Variants in RCOR1 observed in about 807,000 individuals in gnomAD.
RCOR1 encodes the protein REST corepressor.
A neutral mutation model predicts 64.0 loss-of-function variants in RCOR1; 12 were observed. The observed-to-expected ratio is 0.19, with a 90% CI of 0.12 to 0.30. The LOEUF is 0.30. RCOR1 is among the 10% of genes least tolerant of loss of function. RCOR1 has a pLI of 1.00. For synonymous variants in RCOR1, 279 were observed against 227.2 expected (o/e 1.23, Z -2.05); for missense variants, 502 against 621.2 (o/e 0.81, Z 2.04).
At chr14:102,675,047 C>CAAAAAAAAAAAAA (rs761294133) in intron 2 of RCOR1, among the ~76,000 whole-genome samples, 2 of 63,410 alleles carry the variant, frequency 3.2e-5, no homozygotes, top group African/African-American at 1.2e-4. Context: ...GACTCCACCT[C>CAAAAAAAAAAAAA]AAAAAAAAAA....
intron 3 of RCOR1, among the ~76,000 whole-genome samples, chr14:102,684,160 C>T (rs1300640003): frequency 6.6e-6 from 1 of 152,166 alleles, no homozygotes; most frequent in African/African-American, 2.4e-5. Context: ...CAACCCGCTG[C>T]GGAGTCTGAA....
chr14:102,606,655 A>G (rs1378067480), intron 2 of RCOR1, among the ~76,000 whole-genome samples: 1 of 148,172 alleles, frequency 6.7e-6, no homozygotes, highest in Non-Finnish European at 1.5e-5. Context: ...GAGGGGAGAT[A>G]GGGTCTCACC....
At chr14:102,616,206 ATGTGTGTGTGTGTGTG>A (rs56991991) in intron 2 of RCOR1, among the ~76,000 whole-genome samples, 10,216 of 149,134 alleles carry the variant, frequency 0.069, 795 homozygotes, top group African/African-American at 0.2. Context: ...ACATGTGTAT[ATGTGTGTGTGTGTGTG>A]TGTGTGTGTG....
intron 2 of RCOR1, chr14:102,659,201 G>A (rs557951845): frequency 1.0e-6 from 1 of 984,414 alleles, no homozygotes; most frequent in Non-Finnish European, 1.2e-6. Context: ...TAAATACTTA[G>A]ATAAATTACT....
intron 2 of RCOR1, among the ~76,000 whole-genome samples, chr14:102,677,825 G>T (rs1381000913): frequency 6.6e-6 from 1 of 150,932 alleles, no homozygotes; most frequent in Non-Finnish European, 1.5e-5. Flanking sequence ...CTGCAATCTC[G>T]GCACTTTGGG....
chr14:102,595,599 A>G (rs1893225522), intron 2 of RCOR1, among the ~76,000 whole-genome samples: 1 of 148,026 alleles, frequency 6.8e-6, no homozygotes, highest in Admixed American at 6.7e-5. Context: ...TTTTTTTGAG[A>G]CGGAGTCTTG....
At chr14:102,626,315 C>T (rs554152709) in intron 2 of RCOR1, among the ~76,000 whole-genome samples, 20 of 152,222 alleles carry the variant, frequency 1.3e-4, no homozygotes, top group Non-Finnish European at 1.8e-4. Flanking sequence ...TTTTACTGGG[C>T]TAATACTTTA....
intron 2 of RCOR1, chr14:102,630,174 G>T (rs747594147): frequency 1.7e-4 from 29 of 169,914 alleles, no homozygotes; most frequent in Non-Finnish European, 3.0e-4. Context: ...CCTCCTGGGT[G>T]AGGGGTGAGT....
intron 2 of RCOR1, among the ~76,000 whole-genome samples, chr14:102,673,835 G>C (rs541796026): frequency 6.6e-6 from 1 of 150,560 alleles, no homozygotes; most frequent in African/African-American, 2.5e-5. Flanking sequence ...GGCTGGTCTC[G>C]AACTCCCGAC....
At chr14:102,662,598 T>TTTTTTCCG in intron 2 of RCOR1, 1 of 451,346 alleles carries the variant, frequency 2.2e-6, no homozygotes, top group South Asian at 1.8e-5. Flanking sequence ...TGGATCTTTT[T>TTTTTTCCG]TTTTTCCGGC....
intron 2 of RCOR1, among the ~76,000 whole-genome samples, chr14:102,598,630 A>G (rs900248131): frequency 1.3e-5 from 2 of 151,470 alleles, no homozygotes; most frequent in Non-Finnish European, 2.9e-5. Flanking sequence ...TTGTATTTTA[A>G]GTAGAGACGG....
In RCOR1 at chr14:102,730,219, A is replaced by C; in HGVS notation, c.*3713A>C. ...TTGCTAAGTGCTTTTTAGACAGCTTAAAAAATTTTCAAGATTTTAAAAGAT... is the reference window on the plus strand; with the variant it reads ...TTGCTAAGTGCTTTTTAGACAGCTTCAAAAATTTTCAAGATTTTAAAAGAT... On this transcript the variant is annotated 3_prime_UTR_variant, in exon 12 of 12. Coordinates refer to ENST00000262241, the MANE Select transcript of RCOR1 (RefSeq NM_015156.4). The C allele has an allele frequency of 5.1e-6, 2 of 392,536 alleles. No individual in the cohort carries two copies. The highest frequency in any genetic ancestry group is 9.0e-6 in the Non-Finnish European group (2 of 222,542). The allele number at this position is 392,536 out of a possible 1,614,324, so 24.3% of individuals were successfully genotyped here.
At chr14:102,621,339 C>A (rs1030557924) in intron 2 of RCOR1, among the ~76,000 whole-genome samples, 1 of 139,200 alleles carries the variant, frequency 7.2e-6, no homozygotes, top group Non-Finnish European at 1.5e-5. Context: ...GGATAACTGT[C>A]TTAACTGTCT....
chr14:102,716,453 C>T (rs573492080), intron 8 of RCOR1, among the ~76,000 whole-genome samples: 3 of 152,092 alleles, frequency 2.0e-5, no homozygotes, highest in Non-Finnish European at 4.4e-5. Flanking sequence ...AAGGTCATGA[C>T]GATATTCTCT....
intron 2 of RCOR1, among the ~76,000 whole-genome samples, chr14:102,639,871 G>A (rs142961990): frequency 2.3e-3 from 341 of 148,310 alleles, no homozygotes; most frequent in African/African-American, 8.1e-3. Flanking sequence ...TTCATGAGAC[G>A]GAGTCTCGCT....
intron 2 of RCOR1, among the ~76,000 whole-genome samples, chr14:102,643,884 G>A (rs914369458): frequency 6.6e-6 from 1 of 152,190 alleles, no homozygotes; most frequent in South Asian, 2.1e-4. Context: ...AAATTAGAAG[G>A]TTCTTCTTTG....
At chr14:102,645,729 C>T (rs563027522) in intron 2 of RCOR1, among the ~76,000 whole-genome samples, 27 of 152,254 alleles carry the variant, frequency 1.8e-4, no homozygotes, top group African/African-American at 5.1e-4. Flanking sequence ...AAAATAATTC[C>T]GTGATTTCTG....
At chr14:102,687,222 T>G (rs926259241) in intron 3 of RCOR1, among the ~76,000 whole-genome samples, 1 of 152,194 alleles carries the variant, frequency 6.6e-6, no homozygotes, top group South Asian at 2.1e-4. Flanking sequence ...GCAAATAATT[T>G]ATGTGTAGTT....
intron 2 of RCOR1, chr14:102,655,290 A>G (rs1346446525): frequency 2.0e-6 from 2 of 984,786 alleles, no homozygotes; most frequent in Non-Finnish European, 1.2e-6. Flanking sequence ...TTTATTTTCT[A>G]CAAGGATTCT....
Sources: gnomAD v4.1 joint callset for allele counts (sites outside exome capture counted in the v4.1 genomes callset) on GRCh38, gnomAD v4.1.1 for gene constraint, MANE v1.5 for transcripts, NCBI Gene and HGNC (gene_info 2026-07-23, HGNC 2026-07-21) for gene names.